The following GRIN3A variants were observed in gnomAD, a reference collection of about 807,000 sequenced individuals.
GRIN3A encodes glutamate ionotropic receptor NMDA type subunit 3A.
GRIN3A carries 47 observed loss-of-function variants against 92.4 expected under a neutral mutation model. That is an observed-to-expected ratio of 0.51 (90% CI 0.40 to 0.65). GRIN3A has a LOEUF of 0.65. Ranked by LOEUF, GRIN3A falls within the 30% of genes least tolerant of loss-of-function variation. The pLI, the probability that GRIN3A is intolerant of heterozygous loss-of-function variation, is 0.00. For synonymous variants in GRIN3A, 527 were observed against 540.6 expected, an observed-to-expected ratio of 0.97 and a Z score of 0.35; for missense variants, 1,324 against 1,393.1, an observed-to-expected ratio of 0.95 and a Z score of 0.79.
At chr9:101,671,290 C>T (rs370872628) in intron 2 of GRIN3A, among the ~76,000 whole-genome samples, 183 bp from the exon 3 acceptor site, 44 of 152,108 alleles carry the variant, frequency 2.9e-4, no homozygotes, top group African/African-American at 1.0e-3. Context: ...GGAGTAAAGT[C>T]CTATTGCACT....
At position 101,569,373 on chromosome 9, in the gene GRIN3A, T is replaced by G. The variant is rs1827729563; in HGVS notation, c.*3801A>C. The G allele has an allele frequency of 6.6e-6, 1 of 152,216 alleles. No homozygotes were observed. Among genetic ancestry groups the G allele is most frequent in the South Asian group, 2.1e-4 (1 of 4,824 alleles). 9.4% of individuals were successfully genotyped at this position (152,216 alleles called of 1,614,324 possible). A position where few individuals can be genotyped will look rare whatever the true frequency, so the allele number is the denominator to read the frequency against. ...AAAGTGAAGTTTCTATCTGAACATT[T>G]ATTCCACAGTCATAGAAACTGAAGA... On this transcript the variant is annotated 3_prime_UTR_variant, in exon 9 of 9. Transcript: ENST00000361820.
In GRIN3A at chr9:101,623,350, A is replaced by C; in HGVS notation, c.2582T>G (p.Leu861Arg). 1 of 1,613,406 alleles carries C rather than the reference A, an allele frequency of 6.2e-7. No homozygotes were observed. The highest frequency in any genetic ancestry group is 8.5e-7 in the Non-Finnish European group (1 of 1,179,320). Residue 861 changes from leucine (L) to arginine (R), a missense_variant, in exon 5 of 9, where the codon CTT becomes CGT. Physicochemically the swap from Leu to Arg is moderately radical, Grantham distance 102 (BLOSUM62 -2). Coordinates refer to ENST00000361820, the MANE Select transcript of GRIN3A (RefSeq NM_133445.3). Reference protein sequence around the residue: ...YEVSIDADCKLLTVGKPFAIE... With the variant: ...YEVSIDADCKRLTVGKPFAIE... Reference sequence around the variant, plus strand: ...GGCAAATGGCTTCCCCACAGTGAGAAGTTTGCAGTCAGCATCTATTGACAC... The same window carrying C: ...GGCAAATGGCTTCCCCACAGTGAGACGTTTGCAGTCAGCATCTATTGACAC...
Position 101,737,228 on chromosome 9 carries a change from G to A in GRIN3A, c.699+53C>T. ...CCGTTTTCTCTCCCCTCATGCAATGGCCCCGGCCCCCAGCAGCGCCCATCT... is the reference window on the plus strand; with the variant it reads ...CCGTTTTCTCTCCCCTCATGCAATGACCCCGGCCCCCAGCAGCGCCCATCT... On this transcript the variant is annotated intron_variant, in intron 1 of 8. Transcript: ENST00000361820. 3 of 1,480,108 alleles carry A rather than the reference G, an allele frequency of 2.0e-6. No homozygotes were observed. In the Admixed American group the frequency reaches 5.0e-5, roughly 25 times the overall value. 91.7% of individuals were successfully genotyped at this position (1,480,108 alleles called of 1,614,324 possible). A position where few individuals can be genotyped will look rare whatever the true frequency, so the allele number is the denominator to read the frequency against.
At chr9:101,597,963 G>A (rs1056435795) in intron 6 of GRIN3A, among the ~76,000 whole-genome samples, 2 of 152,140 alleles carry the variant, frequency 1.3e-5, no homozygotes, top group Admixed American at 6.5e-5. Context: ...ATAGGCTCAT[G>A]AGCCATGAGA....
intron 6 of GRIN3A, among the ~76,000 whole-genome samples, chr9:101,610,634 A>G (rs1260484030): frequency 3.5e-5 from 5 of 142,890 alleles, no homozygotes; most frequent in Non-Finnish European, 6.3e-5. Flanking sequence ...TCATCTATCT[A>G]TCTACATTTT....
chr9:101,732,939 C>T (rs1487444104), intron 1 of GRIN3A, among the ~76,000 whole-genome samples: 7 of 152,094 alleles, frequency 4.6e-5, no homozygotes, highest in Non-Finnish European at 7.4e-5. Context: ...ACATCTGCAA[C>T]GAAAGAGGCA....
intron 5 of GRIN3A, among the ~76,000 whole-genome samples, chr9:101,618,401 C>T (rs1480713294): frequency 6.6e-6 from 1 of 152,066 alleles, no homozygotes; most frequent in East Asian, 1.9e-4. Context: ...TGAACAGACA[C>T]TTCTGAAAAG....
At position 101,678,409 on chromosome 9, in the gene GRIN3A, C is replaced by T. The variant is rs1829426199; in HGVS notation, c.1305-7302G>A. ...GGAGTTTAATAGGGTTTGGAAATTG[C>T]TAAATTTCCATCCTCAGAACAGAAG... On this transcript the variant is annotated intron_variant, in intron 2 of 8. Coordinates refer to ENST00000361820, the MANE Select transcript of GRIN3A (RefSeq NM_133445.3). Among the ~76,000 whole-genome samples, 3 of 152,106 alleles carry T rather than the reference C, an allele frequency of 2.0e-5. No homozygotes were observed. In the South Asian group the frequency reaches 6.2e-4, roughly 31 times the overall value.
chr9:101,631,544 C>A (rs1276923523), intron 3 of GRIN3A, among the ~76,000 whole-genome samples: 1 of 152,070 alleles, frequency 6.6e-6, no homozygotes, highest in Non-Finnish European at 1.5e-5. Flanking sequence ...CTGAATGCAC[C>A]AGCACATCGT....
At chr9:101,618,650 C>T (rs1469466837) in intron 5 of GRIN3A, among the ~76,000 whole-genome samples, 1 of 152,036 alleles carries the variant, frequency 6.6e-6, no homozygotes, top group Non-Finnish European at 1.5e-5. Context: ...ACAAACTATG[C>T]ATATGGAATG....
chr9:101,683,847 TGAGAGAGAGAGAGAGAGA>T (rs55960998), intron 2 of GRIN3A, among the ~76,000 whole-genome samples: 6 of 136,222 alleles, frequency 4.4e-5, no homozygotes, highest in East Asian at 2.2e-4. Context: ...AGAGAGACAG[TGAGAGAGAGAGAGAGAGA>T]GAGAGAGAGA....
intron 2 of GRIN3A, among the ~76,000 whole-genome samples, chr9:101,682,933 G>A (rs541686520): frequency 6.6e-6 from 1 of 152,350 alleles, no homozygotes; most frequent in Non-Finnish European, 1.5e-5. Context: ...AGTGAGCCGA[G>A]ATTGCGCCAC....
At chr9:101,649,666 G>A (rs954934470) in intron 3 of GRIN3A, among the ~76,000 whole-genome samples, 1 of 151,926 alleles carries the variant, frequency 6.6e-6, no homozygotes, top group African/African-American at 2.4e-5. Flanking sequence ...GGGGATTTTT[G>A]TGCTTCTCCT....
chr9:101,737,234 G>A, intron 1 of GRIN3A, 47 bp downstream of exon 1: 1 of 1,520,158 alleles, frequency 6.6e-7, no homozygotes, highest in Non-Finnish European at 9.1e-7. Context: ...AATGGCCCCG[G>A]CCCCCAGCAG....
chr9:101,614,044 A>G (rs1828405745), intron 5 of GRIN3A, among the ~76,000 whole-genome samples: 1 of 152,212 alleles, frequency 6.6e-6, no homozygotes, highest in African/African-American at 2.4e-5. Context: ...ACTAAAATAT[A>G]AACAGGAACT....
chr9:101,628,150 G>C (rs1439489173), intron 4 of GRIN3A, 106 bp downstream of exon 4: 1 of 1,044,048 alleles, frequency 9.6e-7, no homozygotes, highest in African/African-American at 1.6e-5. Context: ...ACACAACGTG[G>C]GTATATTCAT....
chr9:101,575,656 C>G (rs1827816250), intron 8 of GRIN3A, among the ~76,000 whole-genome samples: 1 of 152,160 alleles, frequency 6.6e-6, no homozygotes, highest in African/African-American at 2.4e-5. Flanking sequence ...TTTCCTCAAA[C>G]CCATGTTAAT....
At chr9:101,577,522 C>T (rs1026988639) in intron 8 of GRIN3A, among the ~76,000 whole-genome samples, 3 of 152,148 alleles carry the variant, frequency 2.0e-5, no homozygotes, top group African/African-American at 7.2e-5. Context: ...TATCATAAGT[C>T]TTGGAGACAG....
At chr9:101,733,898 T>C (rs1000182899) in intron 1 of GRIN3A, among the ~76,000 whole-genome samples, 1 of 152,104 alleles carries the variant, frequency 6.6e-6, no homozygotes, top group Admixed American at 6.5e-5. Flanking sequence ...AGGGTCTTAC[T>C]ATGTCACCCA....
Sources: gnomAD v4.1 joint callset for allele counts (sites outside exome capture counted in the v4.1 genomes callset) on GRCh38, gnomAD v4.1.1 for gene constraint, MANE v1.5 for transcripts, NCBI Gene and HGNC (gene_info 2026-07-23, HGNC 2026-07-21) for gene names.